Variants in RHOBTB3 observed in about 807,000 individuals in gnomAD.
RHOBTB3 encodes rho-related BTB domain-containing protein 3.
In RHOBTB3, 47 loss-of-function variants were observed where a neutral mutation model predicts 67.2. The ratio of observed to expected loss-of-function variants is 0.70; its 90% CI spans 0.55 to 0.89. The LOEUF is 0.89. Among genes scored for constraint, RHOBTB3 ranks in the 40% least tolerant of loss-of-function variants. The pLI is 0.00. For synonymous variants in RHOBTB3, 273 were observed against 274.2 expected (o/e 1.00, Z 0.04); for missense variants, 631 against 750.0 (o/e 0.84, Z 1.85).
chr5:95,744,714 C>A (rs1755702701), intron 3 of RHOBTB3, among the ~76,000 whole-genome samples: 1 of 152,142 alleles, frequency 6.6e-6, no homozygotes, highest in South Asian at 2.1e-4. Flanking sequence ...GTGTTGGGTG[C>A]TCTCCTGGTA....
chr5:95,736,027 G>C (rs765647550), intron 2 of RHOBTB3, among the ~76,000 whole-genome samples: 25 of 152,064 alleles, frequency 1.6e-4, no homozygotes, highest in Non-Finnish European at 2.9e-4. Flanking sequence ...GCTTGAACTT[G>C]GGAGGTGGAG....
chr5:95,785,457 A>G (rs1746196503), intron 10 of RHOBTB3, among the ~76,000 whole-genome samples: 1 of 151,792 alleles, frequency 6.6e-6, no homozygotes, highest in Admixed American at 6.6e-5. Flanking sequence ...AGCTGGGTAT[A>G]GTGGCGGGTG....
chr5:95,725,730 A>G (rs1289557759), intron 1 of RHOBTB3, among the ~76,000 whole-genome samples: 2 of 152,184 alleles, frequency 1.3e-5, no homozygotes, highest in African/African-American at 4.8e-5. Context: ...CTTCTTTGTT[A>G]GAATAAATTG....
chr5:95,753,573 C>T (rs2112797544), intron 5 of RHOBTB3, among the ~76,000 whole-genome samples: 1 of 152,132 alleles, frequency 6.6e-6, no homozygotes, highest in South Asian at 2.1e-4. Context: ...GATATATAGA[C>T]CACATATATA....
intron 6 of RHOBTB3, among the ~76,000 whole-genome samples, chr5:95,763,168 T>C (rs1389608504): frequency 6.6e-6 from 1 of 152,202 alleles, no homozygotes; most frequent in East Asian, 1.9e-4. Context: ...ACATCTACCT[T>C]TTTACTCAGG....
In RHOBTB3 at chr5:95,736,951, G is replaced by A. The variant is rs778797272; in HGVS notation, c.291G>A (p.Val97=). 6.2e-7 allele frequency: 1 copy of A among 1,612,754 alleles called. No homozygotes were observed. Among genetic ancestry groups the A allele is most frequent in the Non-Finnish European group, 8.5e-7 (1 of 1,179,266 alleles). ...RNLIGGADII[V]IKYNVNDKFS... Reference sequence around the variant, plus strand: ...TAATTGGGGGCGCTGACATCATTGTGATCAAATACAACGTTAATGACAAGT... The same window carrying A: ...TAATTGGGGGCGCTGACATCATTGTAATCAAATACAACGTTAATGACAAGT... Residue 97 remains valine (V), a synonymous_variant, in exon 3 of 12, where the codon GTG becomes GTA. Coordinates refer to ENST00000379982, the MANE Select transcript of RHOBTB3 (RefSeq NM_014899.4).
intron 3 of RHOBTB3, among the ~76,000 whole-genome samples, 155 bp downstream of exon 3, chr5:95,737,230 T>TA (rs1233435513): frequency 6.6e-6 from 1 of 152,194 alleles, no homozygotes; most frequent in African/African-American, 2.4e-5. Context: ...TTTGATACGA[T>TA]AAAAAAACAA....
chr5:95,771,422 C>G (rs531615028), intron 8 of RHOBTB3, among the ~76,000 whole-genome samples: 32 of 152,272 alleles, frequency 2.1e-4, no homozygotes, highest in Admixed American at 1.4e-3. Flanking sequence ...TGGAAACTTT[C>G]CAATGTACCT....
chr5:95,719,184 G>A (rs1754787243), intron 1 of RHOBTB3, among the ~76,000 whole-genome samples: 1 of 152,296 alleles, frequency 6.6e-6, no homozygotes, highest in East Asian at 1.9e-4. Context: ...TTGAGGTTCC[G>A]GAATGAGGTT....
rs200115745 is a variant in RHOBTB3, at chr5:95,755,712, C to T, written c.999C>T (p.Asp333=). ...CACCATTACGAGTCATTGTTAAAGACGCCCTCTTCTGTTCTTGTTTATCAG... is the reference window on the plus strand; with the variant it reads ...CACCATTACGAGTCATTGTTAAAGATGCCCTCTTCTGTTCTTGTTTATCAG... ...GNPPLRVIVK[D]ALFCSCLSDI... The change falls in exon 6 of 12, where the codon GAC becomes GAT. Residue 333 remains aspartate, a synonymous_variant. Transcript: ENST00000379982. 63 of 1,613,868 alleles carry T rather than the reference C, an allele frequency of 3.9e-5. 1 individual carries two copies. Among genetic ancestry groups the T allele is most frequent in the South Asian group, 3.4e-4 (31 of 91,076 alleles).
chr5:95,752,132 T>C (rs1162296513), intron 4 of RHOBTB3, 107 bp from the exon 5 acceptor site: 5 of 666,834 alleles, frequency 7.5e-6, no homozygotes, highest in Non-Finnish European at 1.3e-5. Flanking sequence ...TACGTATAAA[T>C]GGTACTGACG....
intron 10 of RHOBTB3, among the ~76,000 whole-genome samples, chr5:95,786,571 T>C (rs1025717405): frequency 2.0e-5 from 3 of 152,242 alleles, no homozygotes; most frequent in African/African-American, 7.2e-5. Flanking sequence ...GTTCAAACTT[T>C]GGTGATTCCT....
chr5:95,771,764 A>T (rs1311267633), intron 8 of RHOBTB3, among the ~76,000 whole-genome samples: 3 of 152,224 alleles, frequency 2.0e-5, no homozygotes, highest in Non-Finnish European at 2.9e-5. Context: ...CTTCTAGGAG[A>T]AAACTGTCTG....
intron 7 of RHOBTB3, among the ~76,000 whole-genome samples, chr5:95,764,135 G>A (rs892506113): frequency 6.6e-6 from 1 of 152,148 alleles, no homozygotes; most frequent in African/African-American, 2.4e-5. Flanking sequence ...ATTTATGTAA[G>A]AATTAAAATA....
chr5:95,764,994 C>T (rs1745501246), intron 7 of RHOBTB3, among the ~76,000 whole-genome samples: 1 of 152,040 alleles, frequency 6.6e-6, no homozygotes, highest in East Asian at 1.9e-4. Context: ...AAAATTTGCA[C>T]ATATGCCTAT....
intron 2 of RHOBTB3, chr5:95,732,458 T>C (rs1739985631): frequency 2.4e-6 from 1 of 417,776 alleles, no homozygotes; most frequent in Admixed American, 4.1e-5. Flanking sequence ...TAGTGTAATA[T>C]TGGTGTTCTA....
chr5:95,752,986 G>T (rs1360217384), intron 5 of RHOBTB3, among the ~76,000 whole-genome samples: 1 of 152,044 alleles, frequency 6.6e-6, no homozygotes. Flanking sequence ...AAAAAAATTA[G>T]CCGGGTGAGG....
Position 95,731,493 on chromosome 5 carries a change from G to T in RHOBTB3, c.-190G>T. The T allele has an allele frequency of 3.2e-6, 4 of 1,242,546 alleles. No individual in the cohort carries two copies. Among genetic ancestry groups the T allele is most frequent in the Non-Finnish European group, 4.0e-6 (4 of 997,088 alleles). 77.0% of individuals were successfully genotyped at this position (1,242,546 alleles called of 1,614,324 possible). A position where few individuals can be genotyped will look rare whatever the true frequency, so the allele number is the denominator to read the frequency against. On this transcript the variant is annotated 5_prime_UTR_variant, in exon 1 of 12. Coordinates refer to ENST00000379982, the MANE Select transcript of RHOBTB3 (RefSeq NM_014899.4). ...ATCCCCCGCCCGCTAGCCCGCCCTG[G>T]TCCCCGGCTCGCTCGCTGGCTGGCG...
chr5:95,760,299 A>T (rs1205814642), intron 6 of RHOBTB3, among the ~76,000 whole-genome samples: 1 of 152,228 alleles, frequency 6.6e-6, no homozygotes, highest in Admixed American at 6.5e-5. Context: ...GTCTTCAGGG[A>T]GTAATTCTTA....
Sources: gnomAD v4.1 joint callset for allele counts (sites outside exome capture counted in the v4.1 genomes callset) on GRCh38, gnomAD v4.1.1 for gene constraint, MANE v1.5 for transcripts, NCBI Gene and HGNC (gene_info 2026-07-23, HGNC 2026-07-21) for gene names.